The following C6orf62 variants were observed in gnomAD, a reference collection of about 807,000 sequenced individuals.
The protein encoded by C6orf62 is chromosome 6 open reading frame 62.
In C6orf62, 16 loss-of-function variants were observed where a neutral mutation model predicts 26.8. The ratio of observed to expected loss-of-function variants is 0.60; its 90% CI spans 0.40 to 0.91. The LOEUF is 0.91. C6orf62 is among the 40% of genes least tolerant of loss of function. The pLI is 0.00. For synonymous variants in C6orf62, 112 were observed against 91.5 expected (o/e 1.22, Z -1.28); for missense variants, 192 against 271.4 (o/e 0.71, Z 2.06).
At chr6:24,710,468 T>C (rs1779098965) in intron 3 of C6orf62, 1 of 475,214 alleles carries the variant, frequency 2.1e-6, no homozygotes, top group Admixed American at 6.4e-5. Context: ...TTCTTTATGT[T>C]GGTCAGGATG....
chr6:24,705,760 T>C lies in C6orf62; in HGVS notation c.*377A>G, dbSNP rs1778995608. 1 of 165,446 alleles carries C rather than the reference T, an allele frequency of 6.0e-6. No individual in the cohort carries two copies. 10.2% of individuals were successfully genotyped at this position (165,446 alleles called of 1,614,324 possible). On this transcript the variant is annotated 3_prime_UTR_variant, in exon 5 of 5. Coordinates refer to ENST00000378119, the MANE Select transcript of C6orf62 (RefSeq NM_030939.5). ...TCACTTCTCACCCTCTAAATACTGA[T>C]GACAGATGTCAAAGAGGCAAAAACC...
chr6:24,709,491 T>TA, intron 3 of C6orf62: 3 of 904,546 alleles, frequency 3.3e-6, no homozygotes, highest in Non-Finnish European at 3.8e-6. Flanking sequence ...GCAAATCCCT[T>TA]AAACTTCAGC....
At chr6:24,715,772 C>T (rs1335137987) in intron 2 of C6orf62, among the ~76,000 whole-genome samples, 2 of 146,070 alleles carry the variant, frequency 1.4e-5, no homozygotes, top group African/African-American at 5.1e-5. Context: ...CATTTGAATG[C>T]GCGAGGGCAG....
intron 3 of C6orf62, 58 bp downstream of exon 3, chr6:24,714,260 A>G (rs2127634912): frequency 3.6e-6 from 5 of 1,394,898 alleles, no homozygotes; most frequent in East Asian, 4.8e-5. Context: ...GTTAGACCCT[A>G]TTATATTCTA....
upstream of C6orf62, chr6:24,719,823 C>A (rs943649685): frequency 1.2e-5 from 18 of 1,514,616 alleles, no homozygotes; most frequent in African/African-American, 1.9e-4. Context: ...CCCGCAGGTC[C>A]CACCCCCACC....
intron 3 of C6orf62, among the ~76,000 whole-genome samples, chr6:24,711,276 T>G (rs1378876538): frequency 6.8e-6 from 1 of 147,792 alleles, no homozygotes; most frequent in African/African-American, 2.6e-5. Flanking sequence ...ACACAACTTC[T>G]CATAAGCAGC....
rs1304688963 is a variant in C6orf62 at position 24,716,130 on chromosome 6, A to C, written c.306+18T>G. On this transcript the variant is annotated intron_variant, in intron 2 of 4. Coordinates refer to ENST00000378119, the MANE Select transcript of C6orf62 (RefSeq NM_030939.5). ...TCCACAGAAACTTTATCAAGTCAAGACTTAAGGCAGAACTTACCCTTCTCA... is the reference window on the plus strand; with the variant it reads ...TCCACAGAAACTTTATCAAGTCAAGCCTTAAGGCAGAACTTACCCTTCTCA... 2 of 1,608,034 alleles carry C rather than the reference A, an allele frequency of 1.2e-6. No homozygotes were observed. Among genetic ancestry groups the C allele is most frequent in the African/African-American group, 2.7e-5 (2 of 74,702 alleles).
upstream of C6orf62, chr6:24,719,605 T>C: frequency 7.1e-7 from 1 of 1,403,186 alleles, no homozygotes; most frequent in Non-Finnish European, 9.2e-7. Context: ...ATTCCGGCTC[T>C]GTGGTTAGAC....
At chr6:24,719,361 A>T (rs1258357566), upstream of C6orf62, 2 of 1,004,124 alleles carry the variant, frequency 2.0e-6, no homozygotes, top group Admixed American at 1.1e-4. Flanking sequence ...GAGCATAGAG[A>T]AAAGTGCAAA....
At chr6:24,716,362 G>A (rs773233306) in intron 1 of C6orf62, 38 bp from the exon 2 acceptor site, 3 of 1,492,278 alleles carry the variant, frequency 2.0e-6, no homozygotes, top group South Asian at 2.3e-5. Flanking sequence ...CCCACAGGGA[G>A]CACAGCCTTT....
intron 1 of C6orf62, among the ~76,000 whole-genome samples, chr6:24,716,776 G>T (rs928555190): frequency 7.2e-5 from 11 of 151,852 alleles, no homozygotes; most frequent in African/African-American, 2.7e-4. Context: ...AGGCTAGAGG[G>T]CAGTGGCACC....
At chr6:24,719,984 T>C (rs1581402319), upstream of C6orf62, 2 of 1,543,170 alleles carry the variant, frequency 1.3e-6, no homozygotes, top group South Asian at 2.4e-5. Context: ...AAAAAGAAAA[T>C]AATTGTGTTA....
chr6:24,718,591 T>G lies in C6orf62; in HGVS notation c.78A>C (p.Leu26=). ...RAQLRKKKES[L]ADQFDFKMYI... ...ACATCTTGAAGTCAAACTGGTCAGCTAGAGATTCTTTTTTCTTTCTAAGCT... is the reference window on the plus strand; with the variant it reads ...ACATCTTGAAGTCAAACTGGTCAGCGAGAGATTCTTTTTTCTTTCTAAGCT... The change falls in exon 1 of 5, where the codon CTA becomes CTC. Residue 26 remains leucine (L), a synonymous_variant. Coordinates refer to ENST00000378119, the MANE Select transcript of C6orf62 (RefSeq NM_030939.5). 1.9e-6 allele frequency: 3 copies of G among 1,614,072 alleles called. No homozygotes were observed. Among genetic ancestry groups the G allele is most frequent in the Non-Finnish European group, 2.5e-6 (3 of 1,179,972 alleles).
At position 24,716,232 on chromosome 6, in the gene C6orf62, G is replaced by A. The variant is rs1779226811; in HGVS notation, c.222C>T (p.Ser74=). 6.2e-6 allele frequency: 10 copies of A among 1,613,366 alleles called. No homozygotes were observed. Among genetic ancestry groups the A allele is most frequent in the South Asian group, 3.3e-5 (3 of 91,070 alleles). Reference sequence around the variant, plus strand: ...CTAGGGAACTTTCCAAGGAATAGCTGGAATCTCGCACACCTTTCAGGATAT... The same window carrying A: ...CTAGGGAACTTTCCAAGGAATAGCTAGAATCTCGCACACCTTTCAGGATAT... ...EENILKGVRD[S]SYSLESSLEL... The change falls in exon 2 of 5, where the codon TCC becomes TCT. Residue 74 remains serine (S), a synonymous_variant. Coordinates refer to ENST00000378119, the MANE Select transcript of C6orf62 (RefSeq NM_030939.5).
chr6:24,709,430 ATC>A (rs1360285676), intron 3 of C6orf62: 8 of 984,392 alleles, frequency 8.1e-6, no homozygotes, highest in South Asian at 9.4e-5. Flanking sequence ...AAAAAAATAA[ATC>A]TGTTTATTCT....
At chr6:24,719,686 T>C (rs1779314799), upstream of C6orf62, 1 of 1,475,518 alleles carries the variant, frequency 6.8e-7, no homozygotes. Flanking sequence ...GAGACTTCCC[T>C]GTGGATCTGC....
intron 3 of C6orf62, chr6:24,710,524 A>G: frequency 2.2e-6 from 2 of 908,966 alleles, no homozygotes; most frequent in Non-Finnish European, 2.6e-6. Context: ...TTAGCCTCCC[A>G]AAGTGTTGGG....
rs753541157 is a variant in C6orf62, at chr6:24,706,126, T to C, written c.*11A>G. 4.3e-6 allele frequency: 7 copies of C among 1,609,636 alleles called. No individual in the cohort carries two copies. The African/African-American group carries it at 9.4e-5, about 22-fold the overall frequency. ...CATTCTCTGATCTTCTCCATTTTGCTGGTCAGTACTCTACTCTGGCATATA... is the reference window on the plus strand; with the variant it reads ...CATTCTCTGATCTTCTCCATTTTGCCGGTCAGTACTCTACTCTGGCATATA... On this transcript the variant is annotated 3_prime_UTR_variant, in exon 5 of 5. Coordinates refer to ENST00000378119, the MANE Select transcript of C6orf62 (RefSeq NM_030939.5).
At chr6:24,715,285 G>A (rs1472243473) in intron 2 of C6orf62, among the ~76,000 whole-genome samples, 1 of 151,990 alleles carries the variant, frequency 6.6e-6, no homozygotes, top group Non-Finnish European at 1.5e-5. Context: ...AGTAACTGTG[G>A]GGATCTCTTG....
Sources: allele counts gnomAD v4.1 joint callset (sites outside exome capture counted in the v4.1 genomes callset), GRCh38; gene constraint gnomAD v4.1.1; transcripts MANE v1.5; gene names NCBI Gene and HGNC (gene_info 2026-07-23, HGNC 2026-07-21).